SEC14L1: variants seen among roughly 807,000 people sequenced by gnomAD.
SEC14L1 encodes the protein SEC14 like lipid binding 1, also known as SEC14-like protein 1.
A neutral mutation model predicts 85.3 loss-of-function variants in SEC14L1; 48 were observed. The observed-to-expected ratio is 0.56, with a 90% CI of 0.45 to 0.72. SEC14L1 has a LOEUF of 0.72. Among genes scored for constraint, SEC14L1 ranks in the 30% least tolerant of loss-of-function variants. SEC14L1 has a pLI of 0.00. For synonymous variants in SEC14L1, 391 were observed against 355.5 expected, an observed-to-expected ratio of 1.10 and a Z score of -1.12; for missense variants, 682 against 921.4, an observed-to-expected ratio of 0.74 and a Z score of 3.36.
At chr17:77,139,319 C>T (rs760421747), upstream of SEC14L1, among the ~76,000 whole-genome samples, 1 of 151,948 alleles carries the variant, frequency 6.6e-6, no homozygotes, top group Admixed American at 6.6e-5. Flanking sequence ...TTACAGGCAT[C>T]TGGCACCACA....
At chr17:77,126,251 CTG>C (rs1332924739) in intron 3 of SEC14L1, among the ~76,000 whole-genome samples, 3 of 152,252 alleles carry the variant, frequency 2.0e-5, no homozygotes, top group Non-Finnish European at 2.9e-5. Flanking sequence ...CTTATCCTCT[CTG>C]TATCTTGGTG....
chr17:77,129,478 C>T (rs532241328), intron 3 of SEC14L1, among the ~76,000 whole-genome samples: 1 of 152,156 alleles, frequency 6.6e-6, no homozygotes, highest in Non-Finnish European at 1.5e-5. Context: ...AGAACCTTCC[C>T]GGGCAGGGCT....
intron 3 of SEC14L1, among the ~76,000 whole-genome samples, chr17:77,105,128 G>C (rs1971879938): frequency 6.6e-6 from 1 of 152,112 alleles, no homozygotes; most frequent in Admixed American, 6.6e-5. Flanking sequence ...ATCCGTCTCA[G>C]TGAGCAGGGG....
chr17:77,180,786 T>A (rs1974998711), intron 3 of SEC14L1, among the ~76,000 whole-genome samples: 1 of 152,228 alleles, frequency 6.6e-6, no homozygotes. Flanking sequence ...GCTGGGATCC[T>A]GACTTTTCTT....
intron 3 of SEC14L1, among the ~76,000 whole-genome samples, chr17:77,187,841 C>T (rs925419698): frequency 2.0e-5 from 3 of 150,910 alleles, no homozygotes; most frequent in African/African-American, 7.3e-5. Context: ...ACCTCCTGGG[C>T]TCAGGTGGTC....
chr17:77,108,760 A>G (rs1417338188), intron 3 of SEC14L1, among the ~76,000 whole-genome samples: 6 of 142,814 alleles, frequency 4.2e-5, no homozygotes, highest in Admixed American at 2.2e-4. Flanking sequence ...AACAGCTGAC[A>G]TGTATATATA....
chr17:77,126,373 G>C (rs539830502), intron 3 of SEC14L1, among the ~76,000 whole-genome samples: 1 of 152,230 alleles, frequency 6.6e-6, no homozygotes, highest in African/African-American at 2.4e-5. Context: ...AACTGTGTTC[G>C]TTCTTCAAGG....
chr17:77,197,947 C>G (rs1975900846), intron 8 of SEC14L1, among the ~76,000 whole-genome samples: 1 of 152,254 alleles, frequency 6.6e-6, no homozygotes, highest in Admixed American at 6.5e-5. Context: ...ATAACTTAGT[C>G]TGACTTAAGT....
chr17:77,155,848 G>T (rs931973577), intron 3 of SEC14L1, among the ~76,000 whole-genome samples: 1 of 152,224 alleles, frequency 6.6e-6, no homozygotes, highest in Non-Finnish European at 1.5e-5. Flanking sequence ...AGCCTCAGCT[G>T]GGATTACAGG....
intron 9 of SEC14L1, 45 bp downstream of exon 9, chr17:77,200,718 T>C (rs1299337673): frequency 1.9e-6 from 3 of 1,570,582 alleles, no homozygotes; most frequent in East Asian, 2.3e-5. Flanking sequence ...TGTCTTGATG[T>C]GTGGTTGAAG....
intron 3 of SEC14L1, among the ~76,000 whole-genome samples, chr17:77,153,316 C>T (rs1280213498): frequency 1.3e-5 from 2 of 152,232 alleles, no homozygotes; most frequent in East Asian, 1.9e-4. Flanking sequence ...ATCCACCCTC[C>T]TTGGCCTCCC....
chr17:77,141,588 G>A (rs546634341), intron 1 of SEC14L1: 1 of 152,296 alleles, frequency 6.6e-6, no homozygotes, highest in East Asian at 1.9e-4. Context: ...TCATGCAATG[G>A]AGGCCGTCCG....
chr17:77,156,750 T>A (rs1973836393), intron 3 of SEC14L1, among the ~76,000 whole-genome samples: 1 of 152,110 alleles, frequency 6.6e-6, no homozygotes, highest in Admixed American at 6.5e-5. Flanking sequence ...AGTCGTTTGG[T>A]CGGCTGTATT....
intron 3 of SEC14L1, among the ~76,000 whole-genome samples, chr17:77,179,683 C>CT (rs919544473): frequency 4.6e-5 from 7 of 151,000 alleles, no homozygotes; most frequent in Middle Eastern, 3.4e-3. Context: ...TACTTTTTTT[C>CT]TTTTTTTTTG....
chr17:77,211,921 G>T, intron 14 of SEC14L1, 29 bp from the exon 15 acceptor site: 1 of 1,608,422 alleles, frequency 6.2e-7, no homozygotes, highest in Non-Finnish European at 8.5e-7. Context: ...CTCGTGGATC[G>T]TGGCTGCCTA....
chr17:77,216,795 C>G lies in SEC14L1; in HGVS notation c.*2772C>G, dbSNP rs568963881. On this transcript the variant is annotated 3_prime_UTR_variant, in exon 17 of 17. Transcript: ENST00000436233. ...GGTTTCCTCCCGAGTAATCCAATCT[C>G]ACTCCCCTTGTAAGGGAATTCTGGG... The G allele has an allele frequency of 1.5e-6, 1 of 669,834 alleles. No individual in the cohort carries two copies. Among genetic ancestry groups the G allele is most frequent in the African/African-American group, 1.8e-5 (1 of 55,562 alleles). 41.5% of individuals were successfully genotyped at this position (669,834 alleles called of 1,614,324 possible).
chr17:77,109,390 C>T (rs1477547801), intron 3 of SEC14L1, among the ~76,000 whole-genome samples: 1 of 152,166 alleles, frequency 6.6e-6, no homozygotes, highest in Non-Finnish European at 1.5e-5. Flanking sequence ...AGGCGTGGGT[C>T]ACAGAGCCCA....
At chr17:77,211,546 G>A (rs1220389171) in intron 14 of SEC14L1, 2 of 181,918 alleles carry the variant, frequency 1.1e-5, no homozygotes, top group Admixed American at 5.6e-5. Flanking sequence ...CTGTCCTCAG[G>A]CTCCCCTGCC....
upstream of SEC14L1, among the ~76,000 whole-genome samples, chr17:77,138,653 C>A (rs981695535): frequency 1.4e-4 from 21 of 151,756 alleles, no homozygotes; most frequent in Non-Finnish European, 7.4e-5. Flanking sequence ...ACAAAAAAAA[C>A]CTAAGGAAAA....
Sources: gnomAD v4.1 joint callset for allele counts (sites outside exome capture counted in the v4.1 genomes callset) on GRCh38, gnomAD v4.1.1 for gene constraint, MANE v1.5 for transcripts, NCBI Gene and HGNC (gene_info 2026-07-23, HGNC 2026-07-21) for gene names.